PAPPA2: variants seen among roughly 807,000 people sequenced by gnomAD.
PAPPA2 encodes the protein pappalysin-2.
PAPPA2 carries 86 observed loss-of-function variants against 176.4 expected under a neutral mutation model. The ratio of observed to expected loss-of-function variants is 0.49; its 90% CI spans 0.41 to 0.58. The LOEUF is 0.58. PAPPA2 is among the 20% of genes least tolerant of loss of function. The pLI is 0.00. For synonymous variants in PAPPA2, 809 were observed against 852.2 expected (o/e 0.95, Z 0.88); for missense variants, 2,073 against 2,256.9 (o/e 0.92, Z 1.65).
intron 2 of PAPPA2, among the ~76,000 whole-genome samples, chr1:176,571,663 A>G (rs1258985307): frequency 6.6e-6 from 1 of 152,166 alleles, no homozygotes; most frequent in Non-Finnish European, 1.5e-5. Flanking sequence ...CTCCTCCTGA[A>G]TGCTTGTTGC....
chr1:176,813,730 G>A (rs1456927219), intron 21 of PAPPA2, among the ~76,000 whole-genome samples: 2 of 152,172 alleles, frequency 1.3e-5, no homozygotes, highest in Non-Finnish European at 2.9e-5. Context: ...ATGCAATTCT[G>A]TAGGTTGTCT....
chr1:176,781,550 G>A (rs1203939097), intron 17 of PAPPA2, among the ~76,000 whole-genome samples: 2 of 151,828 alleles, frequency 1.3e-5, no homozygotes, highest in African/African-American at 4.8e-5. Flanking sequence ...TACCATGTCT[G>A]AAGTCTGCTT....
At chr1:176,778,541 G>A (rs1027324711) in intron 17 of PAPPA2, among the ~76,000 whole-genome samples, 3 of 152,126 alleles carry the variant, frequency 2.0e-5, no homozygotes, top group African/African-American at 7.2e-5. Context: ...TTAATAAACT[G>A]AAAATGTGCA....
At chr1:176,822,236 C>A (rs539955192) in intron 21 of PAPPA2, among the ~76,000 whole-genome samples, 1 of 152,144 alleles carries the variant, frequency 6.6e-6, no homozygotes, top group Admixed American at 6.5e-5. Context: ...CTGGGTGTCA[C>A]CTCCTAGTTG....
rs542674982 is a variant in PAPPA2, at chr1:176,594,640, C to G, written c.1036C>G (p.Arg346Gly). ...ARFFFSLCTDRVKKATILISH... is the reference protein window; with the variant it reads ...ARFFFSLCTDGVKKATILISH... ...CTTCTTCTTCTCCCTCTGCACCGAC[C>G]GCGTGAAGAAAGCCACCATCTTGAT... is the stretch of plus-strand genomic sequence containing the variant. Residue 346 changes from arginine (R) to glycine (G), a missense_variant, in exon 3 of 23, where the codon CGC (arginine) becomes GGC (glycine). Arg to Gly is a moderately radical substitution (Grantham distance 125). This residue lies in a region of PAPPA2 where 1,196 missense variants were observed against 1,330.4 expected (regional missense o/e 0.90). Transcript: ENST00000367662. 6.2e-7 allele frequency: 1 copy of G among 1,614,070 alleles called. No homozygotes were observed. Among genetic ancestry groups the G allele is most frequent in the Admixed American group, 1.7e-5 (1 of 60,002 alleles).
intron 1 of PAPPA2, among the ~76,000 whole-genome samples, chr1:176,472,740 A>T (rs1408606745): frequency 6.6e-6 from 1 of 152,164 alleles, no homozygotes. Context: ...TTACAAGCAT[A>T]ACAGTTTCAG....
intron 1 of PAPPA2, among the ~76,000 whole-genome samples, chr1:176,533,180 C>T (rs1286157118): frequency 6.6e-6 from 1 of 152,236 alleles, no homozygotes; most frequent in Non-Finnish European, 1.5e-5. Flanking sequence ...CCTCCCTCTT[C>T]AGGGGTGAAC....
intron 14 of PAPPA2, among the ~76,000 whole-genome samples, chr1:176,753,214 G>T (rs1663260760): frequency 6.6e-6 from 1 of 152,180 alleles, no homozygotes; most frequent in Admixed American, 6.6e-5. Context: ...CTGAGCCCCA[G>T]TCAAGGGAGA....
intron 4 of PAPPA2, among the ~76,000 whole-genome samples, chr1:176,679,921 A>G (rs1659499016): frequency 6.6e-6 from 1 of 152,168 alleles, no homozygotes; most frequent in South Asian, 2.1e-4. Context: ...TAAACCTAGC[A>G]AATGCCTGAT....
Position 176,663,198 on chromosome 1 carries a change from G to C in PAPPA2, c.1992-7772G>C, listed in dbSNP as rs919188890. On this transcript the variant is annotated intron_variant, in intron 3 of 22. Coordinates refer to ENST00000367662, the MANE Select transcript of PAPPA2 (RefSeq NM_020318.3). ...TGTCTTACCAGGCCAACTGTAGTTT[G>C]TGCACAGGAGAGTTTCATTTCTATT... Among the ~76,000 whole-genome samples the C allele has an allele frequency of 9.2e-5, 14 of 152,264 alleles. No homozygotes were observed. In the South Asian group the frequency reaches 2.9e-3, roughly 32 times the overall value.
intron 1 of PAPPA2, among the ~76,000 whole-genome samples, chr1:176,516,772 A>T (rs1042925930): frequency 6.6e-6 from 1 of 152,172 alleles, no homozygotes; most frequent in Non-Finnish European, 1.5e-5. Flanking sequence ...CAAATTATCC[A>T]GTCTGTAGTA....
At chr1:176,535,348 C>A (rs1369565892) in intron 1 of PAPPA2, among the ~76,000 whole-genome samples, 1 of 152,126 alleles carries the variant, frequency 6.6e-6, no homozygotes, top group Non-Finnish European at 1.5e-5. Context: ...CCATACCCAC[C>A]CTATTTTGCT....
At chr1:176,785,407 A>G (rs1187342447) in intron 17 of PAPPA2, among the ~76,000 whole-genome samples, 1 of 152,152 alleles carries the variant, frequency 6.6e-6, no homozygotes, top group East Asian at 1.9e-4. Flanking sequence ...TCTGATGTAG[A>G]GAGATGCAGA....
chr1:176,576,352 C>A (rs891439232), intron 2 of PAPPA2, among the ~76,000 whole-genome samples: 2 of 152,112 alleles, frequency 1.3e-5, no homozygotes, highest in African/African-American at 4.8e-5. Flanking sequence ...TTTTGAGTTA[C>A]CCCATCAGTG....
In PAPPA2 at chr1:176,672,662, A is replaced by G. The variant is rs1031107417; in HGVS notation, c.2137+1547A>G. On this transcript the variant is annotated intron_variant, in intron 4 of 22. Coordinates refer to ENST00000367662, the MANE Select transcript of PAPPA2 (RefSeq NM_020318.3). ...CACAGAGTGAATCAGATTGAGATCC[A>G]AAAGGGTTATATATACCAGAAAATG... 2.0e-5 allele frequency among the ~76,000 whole-genome samples: 3 copies of G among 152,220 alleles called. No homozygotes were observed. In the South Asian group the frequency reaches 6.2e-4, roughly 31 times the overall value.
intron 21 of PAPPA2, among the ~76,000 whole-genome samples, chr1:176,800,469 G>A (rs1396017631): frequency 2.6e-5 from 4 of 152,164 alleles, no homozygotes; most frequent in Non-Finnish European, 4.4e-5. Context: ...ATGGCCCACT[G>A]ACAGGTTTAT....
At chr1:176,600,458 C>T (rs1470308524) in intron 3 of PAPPA2, among the ~76,000 whole-genome samples, 2 of 151,812 alleles carry the variant, frequency 1.3e-5, no homozygotes, top group East Asian at 3.9e-4. Context: ...GGGCGGATCA[C>T]GAGGTCAGGA....
intron 2 of PAPPA2, among the ~76,000 whole-genome samples, chr1:176,567,660 G>T (rs1311519607): frequency 6.6e-6 from 1 of 152,100 alleles, no homozygotes; most frequent in Non-Finnish European, 1.5e-5. Context: ...CAGAATTTAG[G>T]CCTGTAAACT....
At position 176,665,588 on chromosome 1, in the gene PAPPA2, A is replaced by AT. The variant is rs999895896; in HGVS notation, c.1992-5374dup. On this transcript the variant is annotated intron_variant, in intron 3 of 22. Transcript: ENST00000367662. ...CTGCTTGTCTATCCTGGATTTACAA[A>AT]TTTTTTTTATGAAGTTTAGTTTCTT... is the stretch of plus-strand genomic sequence containing the variant. Among the ~76,000 whole-genome samples the AT allele has an allele frequency of 9.3e-4, 142 of 152,146 alleles. 1 individual carries two copies. The highest frequency in any genetic ancestry group is 2.9e-3 in the African/African-American group (119 of 41,508).
Sources: allele counts gnomAD v4.1 joint callset (sites outside exome capture counted in the v4.1 genomes callset), GRCh38; gene constraint gnomAD v4.1.1; regional missense constraint gnomAD v4.1.1; transcripts MANE v1.5; gene names NCBI Gene and HGNC (gene_info 2026-07-23, HGNC 2026-07-21).